Variants in IGF2BP3 observed in about 807,000 individuals in gnomAD.
IGF2BP3 encodes the protein insulin-like growth factor 2 mRNA-binding protein 3.
In IGF2BP3, 9 loss-of-function variants were observed where a neutral mutation model predicts 73.8. That is an observed-to-expected ratio of 0.12 (90% CI 0.07 to 0.21). The LOEUF is 0.21. IGF2BP3 is among the 10% of genes least tolerant of loss of function. IGF2BP3 has a pLI of 1.00. For synonymous variants in IGF2BP3, 258 were observed against 256.7 expected (o/e 1.01, Z -0.05); for missense variants, 542 against 714.0 (o/e 0.76, Z 2.75).
At chr7:23,336,162 A>C (rs944902026) in intron 10 of IGF2BP3, among the ~76,000 whole-genome samples, 1 of 151,928 alleles carries the variant, frequency 6.6e-6, no homozygotes, top group Admixed American at 6.5e-5. Context: ...CAACAATTCT[A>C]AAAGAAAAAG....
Position 23,351,363 on chromosome 7 carries a change from C to G in IGF2BP3, c.625G>C (p.Ala209Pro), listed in dbSNP as rs1213230548. The change falls in exon 6 of 15, where the codon GCC becomes CCC. Residue 209 changes from alanine (A) to proline (P), a missense_variant. Coordinates refer to ENST00000258729, the MANE Select transcript of IGF2BP3 (RefSeq NM_006547.3). ...RLLVPTQFVG[A>P]IIGKEGATIR... Reference sequence around the variant, plus strand: ...GTGGCACCTTCTTTTCCTATGATGGCTCCAACAAATTGGGTGGGAACCAGC... The same window carrying G: ...GTGGCACCTTCTTTTCCTATGATGGGTCCAACAAATTGGGTGGGAACCAGC... The G allele has an allele frequency of 6.2e-7, 1 of 1,613,924 alleles. No individual in the cohort carries two copies. The highest frequency in any genetic ancestry group is 8.5e-7 in the Non-Finnish European group (1 of 1,179,918).
chr7:23,387,093 A>AAAGGAAGG (rs914728073), intron 3 of IGF2BP3, among the ~76,000 whole-genome samples: 1 of 151,568 alleles, frequency 6.6e-6, no homozygotes. Context: ...AAAGAAAGAA[A>AAAGGAAGG]AAGGAAGGAA....
chr7:23,434,705 A>G (rs998965051), intron 2 of IGF2BP3, among the ~76,000 whole-genome samples: 9 of 152,224 alleles, frequency 5.9e-5, no homozygotes, highest in African/African-American at 2.2e-4. Flanking sequence ...AGCAGAAAAC[A>G]CAATGCAAAT....
intron 6 of IGF2BP3, 133 bp downstream of exon 6, chr7:23,351,172 C>A: frequency 1.1e-6 from 1 of 885,218 alleles, no homozygotes; most frequent in East Asian, 2.6e-5. Flanking sequence ...AAGATTTTTA[C>A]ACATTCCCAA....
chr7:23,360,332 T>C (rs1785194496), intron 5 of IGF2BP3, among the ~76,000 whole-genome samples: 1 of 152,218 alleles, frequency 6.6e-6, no homozygotes. Context: ...AGTCATGCCA[T>C]ATCTGTACAA....
chr7:23,441,891 G>C (rs954573437), intron 2 of IGF2BP3, among the ~76,000 whole-genome samples: 13 of 152,294 alleles, frequency 8.5e-5, no homozygotes, highest in African/African-American at 3.1e-4. Context: ...TTGGGAGGCA[G>C]AGGCGGGCGG....
chr7:23,393,521 G>C (rs1196143083), intron 3 of IGF2BP3, among the ~76,000 whole-genome samples: 1 of 152,124 alleles, frequency 6.6e-6, no homozygotes, highest in African/African-American at 2.4e-5. Context: ...AAGGGGCTCG[G>C]AAACCGTGCC....
intron 2 of IGF2BP3, among the ~76,000 whole-genome samples, chr7:23,462,878 T>C (rs942515138): frequency 3.3e-5 from 5 of 152,230 alleles, no homozygotes; most frequent in African/African-American, 1.2e-4. Context: ...ACACCCTTAA[T>C]TTTAATGGAA....
intron 3 of IGF2BP3, among the ~76,000 whole-genome samples, chr7:23,398,198 T>C (rs1195543391): frequency 6.6e-6 from 1 of 152,112 alleles, no homozygotes; most frequent in South Asian, 2.1e-4. Context: ...TTGCTGAGAA[T>C]GATGGTTTCC....
At chr7:23,399,539 T>G (rs909968986) in intron 3 of IGF2BP3, among the ~76,000 whole-genome samples, 1 of 152,100 alleles carries the variant, frequency 6.6e-6, no homozygotes, top group Non-Finnish European at 1.5e-5. Flanking sequence ...ATGACAACCT[T>G]GACTTTAACC....
intron 2 of IGF2BP3, among the ~76,000 whole-genome samples, chr7:23,449,474 G>T (rs969621153): frequency 1.3e-5 from 2 of 151,346 alleles, no homozygotes; most frequent in East Asian, 3.9e-4. Context: ...CCGAGATAGC[G>T]CCACTGCACT....
intron 5 of IGF2BP3, among the ~76,000 whole-genome samples, chr7:23,356,989 G>A (rs887248881): frequency 3.9e-5 from 6 of 152,156 alleles, no homozygotes; most frequent in African/African-American, 1.4e-4. Context: ...AAACTCTGCA[G>A]AATGATCTTT....
chr7:23,423,142 T>A (rs542312543), intron 2 of IGF2BP3, among the ~76,000 whole-genome samples: 2 of 152,368 alleles, frequency 1.3e-5, no homozygotes, highest in East Asian at 3.9e-4. Context: ...TTAAACTGTG[T>A]GACGTTTACC....
At chr7:23,343,945 G>A (rs1053090345) in intron 8 of IGF2BP3, 92 bp from the exon 9 acceptor site, 2 of 1,264,474 alleles carry the variant, frequency 1.6e-6, no homozygotes, top group African/African-American at 1.5e-5. Context: ...AAAACAAACT[G>A]TGGAGCCTGG....
intron 9 of IGF2BP3, 107 bp from the exon 10 acceptor site, chr7:23,342,296 G>GA: frequency 8.1e-7 from 1 of 1,239,844 alleles, no homozygotes; most frequent in East Asian, 2.5e-5. Flanking sequence ...ATAAAGAAAT[G>GA]ATTGTATAAC....
intron 2 of IGF2BP3, among the ~76,000 whole-genome samples, chr7:23,456,464 G>C (rs1242924931): frequency 6.6e-6 from 1 of 152,226 alleles, no homozygotes; most frequent in East Asian, 1.9e-4. Flanking sequence ...GAAGTAGGAT[G>C]CAAAATTTAA....
At chr7:23,435,339 T>C (rs976029873) in intron 2 of IGF2BP3, among the ~76,000 whole-genome samples, 2 of 143,530 alleles carry the variant, frequency 1.4e-5, no homozygotes, top group African/African-American at 5.2e-5. Context: ...AATGATGAAG[T>C]CTCTAGCCCT....
chr7:23,386,843 G>C (rs1002901303), intron 3 of IGF2BP3, among the ~76,000 whole-genome samples: 10 of 152,138 alleles, frequency 6.6e-5, no homozygotes, highest in African/African-American at 2.4e-4. Context: ...AAGGCAGGTG[G>C]ATCACCTGAG....
At chr7:23,366,796 C>A (rs771301030) in intron 3 of IGF2BP3, among the ~76,000 whole-genome samples, 1 of 151,960 alleles carries the variant, frequency 6.6e-6, no homozygotes, top group South Asian at 2.1e-4. Flanking sequence ...AATAAGATTC[C>A]CAAATCTCAA....
Sources: allele counts gnomAD v4.1 joint callset (sites outside exome capture counted in the v4.1 genomes callset), GRCh38; gene constraint gnomAD v4.1.1; transcripts MANE v1.5; gene names NCBI Gene and HGNC (gene_info 2026-07-23, HGNC 2026-07-21).